Variants in SCMH1 observed in about 807,000 individuals in gnomAD.
SCMH1 encodes polycomb protein SCMH1.
SCMH1 carries 37 observed loss-of-function variants against 70.8 expected under a neutral mutation model. The ratio of observed to expected loss-of-function variants is 0.52; its 90% CI spans 0.40 to 0.69. SCMH1 has a LOEUF of 0.69. Among genes scored for constraint, SCMH1 ranks in the 30% least tolerant of loss-of-function variants. The pLI is 0.00. For missense variants in SCMH1, 607 were observed against 827.3 expected (o/e 0.73, Z 3.27); for synonymous variants, 292 against 307.4 (o/e 0.95, Z 0.52).
At chr1:41,165,417 T>C (rs866630797) in intron 2 of SCMH1, among the ~76,000 whole-genome samples, 2 of 152,132 alleles carry the variant, frequency 1.3e-5, no homozygotes, top group Non-Finnish European at 2.9e-5. Flanking sequence ...GTGGGATTGA[T>C]GCATCATATG....
chr1:41,046,664 G>A (rs1046551780), intron 11 of SCMH1, 66 bp from the exon 12 acceptor site: 3 of 1,253,350 alleles, frequency 2.4e-6, no homozygotes, highest in Admixed American at 1.7e-5. Context: ...TAGGCAGGAC[G>A]AGTCCAGCCC....
chr1:41,028,548 CAG>C (rs764308790), intron 14 of SCMH1, 34 bp downstream of exon 15: 21 of 1,612,802 alleles, frequency 1.3e-5, no homozygotes, highest in East Asian at 4.5e-5. Context: ...GCTCTCCACA[CAG>C]GTTCCTACTG....
chr1:41,100,566 T>TTTA (rs1666319993), intron 8 of SCMH1, among the ~76,000 whole-genome samples: 1 of 149,378 alleles, frequency 6.7e-6, no homozygotes, highest in Non-Finnish European at 1.5e-5. Context: ...CTTTTCTTTT[T>TTTA]CTTTTTTTTT....
At chr1:41,147,591 T>A (rs1377403726) in intron 5 of SCMH1, among the ~76,000 whole-genome samples, 1 of 152,152 alleles carries the variant, frequency 6.6e-6, no homozygotes, top group African/African-American at 2.4e-5. Flanking sequence ...ACTATATATT[T>A]GCTGATTTTT....
At chr1:41,056,976 G>C (rs1650541525) in intron 10 of SCMH1, among the ~76,000 whole-genome samples, 1 of 152,182 alleles carries the variant, frequency 6.6e-6, no homozygotes, top group Admixed American at 6.5e-5. Context: ...TTTTACCACA[G>C]CCTAAACTAT....
intron 13 of SCMH1, among the ~76,000 whole-genome samples, chr1:41,032,506 G>A (rs1644669295): frequency 1.3e-5 from 2 of 152,258 alleles, no homozygotes; most frequent in South Asian, 4.1e-4. Flanking sequence ...AGGAAGAGGA[G>A]GGAAGTGGCA....
At chr1:41,070,068 G>A (rs554133339) in intron 10 of SCMH1, among the ~76,000 whole-genome samples, 4 of 152,174 alleles carry the variant, frequency 2.6e-5, no homozygotes, top group South Asian at 2.1e-4. Context: ...GTGTATCTGC[G>A]CACAGTTCTT....
At chr1:41,208,226 T>C (rs1331122151) in intron 1 of SCMH1, among the ~76,000 whole-genome samples, 1 of 107,438 alleles carries the variant, frequency 9.3e-6, no homozygotes, top group Non-Finnish European at 1.9e-5. Context: ...AATTGAACAA[T>C]GAGATCACAT....
intron 8 of SCMH1, among the ~76,000 whole-genome samples, chr1:41,112,415 A>T (rs1669470164): frequency 6.6e-6 from 1 of 152,170 alleles, no homozygotes; most frequent in African/African-American, 2.4e-5. Flanking sequence ...CTTTACTAAA[A>T]GCAGCTACCT....
At position 41,161,355 on chromosome 1, in the gene SCMH1, C is replaced by T. The variant is rs1026756667; in HGVS notation, c.82+9G>A. ...TTTTCCACACCAAACGGAGTTTTTT[C>T]CCCCTTACCTTGATATTGGGATGCA... is the stretch of plus-strand genomic sequence containing the variant. On this transcript the variant is annotated intron_variant, in intron 3 of 14. Coordinates refer to ENST00000337495, the Ensembl canonical transcript of SCMH1. 18 of 1,547,502 alleles carry T rather than the reference C, an allele frequency of 1.2e-5. No individual in the cohort carries two copies. The highest frequency in any genetic ancestry group is 1.6e-5 in the Non-Finnish European group (18 of 1,146,322).
chr1:41,125,341 G>A (rs1174979155), intron 6 of SCMH1, among the ~76,000 whole-genome samples: 1 of 151,720 alleles, frequency 6.6e-6, no homozygotes, highest in Non-Finnish European at 1.5e-5. Flanking sequence ...TCAGCCTCCT[G>A]AGTAGCCGGC....
chr1:41,167,653 T>G (rs892097843), intron 2 of SCMH1, among the ~76,000 whole-genome samples: 1 of 152,180 alleles, frequency 6.6e-6, no homozygotes. Flanking sequence ...ATTTGTTGGC[T>G]TATAACTGTT....
intron 6 of SCMH1, among the ~76,000 whole-genome samples, chr1:41,139,407 T>A (rs948945504): frequency 1.2e-4 from 19 of 152,326 alleles, no homozygotes; most frequent in African/African-American, 4.6e-4. Flanking sequence ...AACTGATAAT[T>A]GTGGCATTCT....
intron 2 of SCMH1, among the ~76,000 whole-genome samples, chr1:41,175,784 G>C (rs1399375862): frequency 6.6e-6 from 1 of 151,814 alleles, no homozygotes; most frequent in Non-Finnish European, 1.5e-5. Flanking sequence ...CTTCTCTCCT[G>C]GTTTTTACAT....
intron 12 of SCMH1, among the ~76,000 whole-genome samples, chr1:41,042,928 A>G (rs1646396144): frequency 6.6e-6 from 1 of 152,210 alleles, no homozygotes; most frequent in South Asian, 2.1e-4. Flanking sequence ...AAAAAGGTGG[A>G]TAACTGTTCT....
chr1:41,222,947 A>G (rs920791079), intron 1 of SCMH1, among the ~76,000 whole-genome samples: 6 of 152,178 alleles, frequency 3.9e-5, no homozygotes, highest in African/African-American at 1.2e-4. Flanking sequence ...AAGTGTATAC[A>G]TTTATATTAT....
intron 1 of SCMH1, among the ~76,000 whole-genome samples, chr1:41,225,873 C>A (rs963157214): frequency 1.3e-5 from 2 of 152,080 alleles, no homozygotes; most frequent in Non-Finnish European, 2.9e-5. Flanking sequence ...GCTTTTTAAG[C>A]CTTTTTTGGT....
At chr1:41,209,123 G>A (rs1656352518) in intron 1 of SCMH1, among the ~76,000 whole-genome samples, 1 of 152,158 alleles carries the variant, frequency 6.6e-6, no homozygotes, top group Admixed American at 6.5e-5. Context: ...TAGAAGAAAT[G>A]GATAAATTCC....
chr1:41,083,378 G>A (rs1436926423), intron 8 of SCMH1, among the ~76,000 whole-genome samples: 1 of 152,134 alleles, frequency 6.6e-6, no homozygotes, highest in Non-Finnish European at 1.5e-5. Context: ...ATTCACAATT[G>A]CTTCAAAGAG....
Sources: allele counts gnomAD v4.1 joint callset (sites outside exome capture counted in the v4.1 genomes callset), GRCh38; gene constraint gnomAD v4.1.1; transcripts MANE v1.5; gene names NCBI Gene and HGNC (gene_info 2026-07-23, HGNC 2026-07-21).